The following MTM1 variants were observed in gnomAD, a reference collection of about 807,000 sequenced individuals.
MTM1 encodes the protein myotubularin.
MTM1 carries 9 observed loss-of-function variants against 52.1 expected under a neutral mutation model. The observed-to-expected ratio is 0.17, with a 90% CI of 0.10 to 0.30. The LOEUF is 0.30. Among genes scored for constraint, MTM1 ranks in the 10% least tolerant of loss-of-function variants. MTM1 has a pLI of 1.00. For synonymous variants in MTM1, 136 were observed against 163.8 expected, an observed-to-expected ratio of 0.83 and a Z score of 1.29; for missense variants, 277 against 470.7, an observed-to-expected ratio of 0.59 and a Z score of 3.81.
rs1299645171 is a variant in MTM1, at chrX:150,649,267, T to C, written c.868-449T>C. Among the ~76,000 whole-genome samples the C allele has an allele frequency of 3.6e-5, 4 of 112,660 alleles. No homozygotes were observed. In the Admixed American group the frequency reaches 3.8e-4, roughly 11 times the overall value. ...CTGGGTCTGTCTCCAAAGCCTGTTG[T>C]TTTCCTCTAATGCATCACGTCCTAC... On this transcript the variant is annotated intron_variant, in intron 9 of 14. Transcript: ENST00000370396.
chrX:150,567,126 C>T (rs1217665085), upstream of MTM1, among the ~76,000 whole-genome samples: 2 of 110,178 alleles, frequency 1.8e-5, no homozygotes, highest in Non-Finnish European at 3.8e-5. Context: ...GGAGAGAGGA[C>T]CAAGTGGAAA....
chrX:150,660,832 G>A (rs2040207530), intron 13 of MTM1, among the ~76,000 whole-genome samples: 1 of 110,581 alleles, frequency 9.0e-6, no homozygotes, highest in African/African-American at 3.3e-5. Context: ...GCAAGAGAGA[G>A]GGGAGAGGGT....
chrX:150,671,700 C>A lies in MTM1; in HGVS notation c.*105C>A. The A allele has an allele frequency of 1.1e-6, 1 of 877,024 alleles. No homozygotes were observed. The highest frequency in any genetic ancestry group is 1.6e-6 in the Non-Finnish European group (1 of 612,756). The allele number at this position is 877,024 out of a possible 1,213,427, so 72.3% of individuals were successfully genotyped here. On this transcript the variant is annotated 3_prime_UTR_variant, in exon 15 of 15. Coordinates refer to ENST00000370396, the MANE Select transcript of MTM1 (RefSeq NM_000252.3). ...TTAAAATATTTGCCTCCATGTAGAA[C>A]TTGAACTAACATAATCTTAAACTCT...
chrX:150,612,317 G>A (rs1250311159), intron 4 of MTM1, among the ~76,000 whole-genome samples: 1 of 111,841 alleles, frequency 8.9e-6, no homozygotes, highest in African/African-American at 3.3e-5. Context: ...GATGCTCGCA[G>A]CCTTACACTT....
intron 7 of MTM1, 100 bp from the exon 8 acceptor site, chrX:150,641,169 G>A (rs2039841230): frequency 2.2e-6 from 2 of 908,904 alleles, no homozygotes; most frequent in Non-Finnish European, 3.2e-6. Context: ...TGGTCAAAGA[G>A]GCATGTGCAC....
chrX:150,604,363 A>G (rs1338702357), intron 4 of MTM1, among the ~76,000 whole-genome samples: 3 of 111,441 alleles, frequency 2.7e-5, no homozygotes, highest in Non-Finnish European at 5.7e-5. Flanking sequence ...CAGATAGGCA[A>G]AGCAGACGCT....
intron 12 of MTM1, among the ~76,000 whole-genome samples, 198 bp downstream of exon 12, chrX:150,659,954 A>T (rs1376184194): frequency 3.6e-5 from 4 of 111,605 alleles, no homozygotes; most frequent in African/African-American, 1.3e-4. Flanking sequence ...TATATCTGGG[A>T]TTTTCCCTAA....
At chrX:150,621,118 C>CA (rs149399125) in intron 6 of MTM1, among the ~76,000 whole-genome samples, 1 of 44,211 alleles carries the variant, frequency 2.3e-5, no homozygotes, top group East Asian at 7.3e-4. Flanking sequence ...AGCTCCATCT[C>CA]AAAAAAAAAA....
intron 8 of MTM1, among the ~76,000 whole-genome samples, chrX:150,642,608 A>G (rs1321709469): frequency 1.8e-5 from 2 of 111,572 alleles, no homozygotes; most frequent in Non-Finnish European, 3.8e-5. Flanking sequence ...CTCTGTTTGG[A>G]CATGCTCTTC....
intron 4 of MTM1, among the ~76,000 whole-genome samples, chrX:150,605,224 C>T (rs1186964734): frequency 8.9e-6 from 1 of 112,049 alleles, no homozygotes; most frequent in Non-Finnish European, 1.9e-5. Context: ...GGTCATTTCA[C>T]ACATCCCTTT....
At chrX:150,596,641 C>A (rs983766711) in intron 3 of MTM1, 71 bp downstream of exon 3, 1 of 876,515 alleles carries the variant, frequency 1.1e-6, no homozygotes, top group Admixed American at 2.2e-5. Flanking sequence ...GCTTCAGTCC[C>A]GCTTACTCTT....
chrX:150,607,241 G>A (rs782291601), intron 4 of MTM1, among the ~76,000 whole-genome samples: 3 of 110,286 alleles, frequency 2.7e-5, no homozygotes, highest in Non-Finnish European at 5.7e-5. Flanking sequence ...GCCCACCTCC[G>A]CCTCCCAAAG....
At chrX:150,571,968 T>C (rs1236127904) in intron 1 of MTM1, among the ~76,000 whole-genome samples, 2 of 112,322 alleles carry the variant, frequency 1.8e-5, no homozygotes, top group Admixed American at 9.4e-5. Flanking sequence ...GCAGTGTATT[T>C]TTCCACTGTG....
intron 6 of MTM1, among the ~76,000 whole-genome samples, chrX:150,630,178 C>T (rs960014401): frequency 4.5e-5 from 5 of 111,752 alleles, no homozygotes; most frequent in Non-Finnish European, 9.4e-5. Context: ...CTGCAACCTC[C>T]GCCTCCCGGG....
At chrX:150,592,994 C>G (rs1244555811) in intron 2 of MTM1, among the ~76,000 whole-genome samples, 2 of 111,115 alleles carry the variant, frequency 1.8e-5, no homozygotes, top group Non-Finnish European at 3.8e-5. Flanking sequence ...CAGGCGTGTG[C>G]TACCACACCC....
chrX:150,663,406 C>T, intron 13 of MTM1, 27 bp from the exon 14 acceptor site: 14 of 1,207,820 alleles, frequency 1.2e-5, no homozygotes, highest in Non-Finnish European at 1.6e-5. Context: ...CTTAGGCTCT[C>T]CACTTTCTCT....
chrX:150,643,720 G>T (rs1335137108), intron 8 of MTM1, among the ~76,000 whole-genome samples: 1 of 111,696 alleles, frequency 9.0e-6, no homozygotes, highest in Non-Finnish European at 1.9e-5. Flanking sequence ...GTTTTCCATT[G>T]TGAGACATTC....
chrX:150,620,434 G>T (rs943764367), intron 6 of MTM1, among the ~76,000 whole-genome samples: 1 of 111,929 alleles, frequency 8.9e-6, no homozygotes, highest in African/African-American at 3.3e-5. Flanking sequence ...GCCTATCCTC[G>T]TCTCCAGTGC....
intron 1 of MTM1, among the ~76,000 whole-genome samples, chrX:150,573,933 G>A (rs55900771): frequency 0.043 from 4,758 of 111,874 alleles, 91 homozygotes; most frequent in Middle Eastern, 0.074. Context: ...CTTGGTTTCA[G>A]TGAGACCCCA....
Sources: allele counts gnomAD v4.1 joint callset (sites outside exome capture counted in the v4.1 genomes callset), GRCh38; gene constraint gnomAD v4.1.1; transcripts MANE v1.5; gene names NCBI Gene and HGNC (gene_info 2026-07-23, HGNC 2026-07-21).